The following PSKH1 variants were observed in gnomAD, a reference collection of about 807,000 sequenced individuals.
PSKH1 encodes the protein protein serine kinase H1.
PSKH1 carries 12 observed loss-of-function variants against 26.7 expected under a neutral mutation model. That is an observed-to-expected ratio of 0.45 (90% confidence interval 0.29 to 0.73). The LOEUF (loss-of-function observed/expected upper bound fraction) is 0.73, where lower values mean the gene tolerates loss of function less well. Ranked by LOEUF, PSKH1 falls within the 30% of genes least tolerant of loss-of-function variation. The pLI is 0.11. For synonymous variants in PSKH1, 213 were observed against 234.3 expected (o/e 0.91, Z 0.83); for missense variants, 431 against 595.2 (o/e 0.72, Z 2.87).
intron 1 of PSKH1, among the ~76,000 whole-genome samples, chr16:67,898,538 A>G (rs951802213): frequency 1.8e-4 from 27 of 152,016 alleles, no homozygotes; most frequent in South Asian, 1.0e-3. Context: ...GTTGTGTGCC[A>G]CTGCGTCCAG....
Position 67,908,801 on chromosome 16 carries a change from C to A in PSKH1, c.52C>A (p.Leu18Met). Residue 18 changes from leucine to methionine, a missense_variant, in exon 2 of 3, where the codon CTG becomes ATG. By Grantham distance (15) the Leu-to-Met change is conservative. Coordinates refer to ENST00000291041, the MANE Select transcript of PSKH1 (RefSeq NM_006742.3). ...TCCCGAGCCACCCAAGGATGTCCAGCTGGATCTGGTCAAGAAGGTGGAGCC... is the reference window on the plus strand; with the variant it reads ...TCCCGAGCCACCCAAGGATGTCCAGATGGATCTGGTCAAGAAGGTGGAGCC... ...VLPEPPKDVQLDLVKKVEPFS... is the reference protein window; with the variant it reads ...VLPEPPKDVQMDLVKKVEPFS... The A allele has an allele frequency of 6.2e-7, 1 of 1,611,250 alleles. No individual in the cohort carries two copies. Among genetic ancestry groups the A allele is most frequent in the Non-Finnish European group, 8.5e-7 (1 of 1,178,248 alleles).
chr16:67,902,799 G>A (rs914535820), intron 1 of PSKH1, among the ~76,000 whole-genome samples: 2 of 149,486 alleles, frequency 1.3e-5, no homozygotes, highest in African/African-American at 2.6e-5. Context: ...TCTTGCCTCC[G>A]AATGGTGGTA....
intron 2 of PSKH1, chr16:67,910,151 T>A (rs1567399621): frequency 3.8e-6 from 1 of 265,862 alleles, no homozygotes; most frequent in Non-Finnish European, 7.2e-6. Context: ...GGTTGAGAAT[T>A]TCTTTGAGGA....
Position 67,928,428 on chromosome 16 carries a change from C to T in PSKH1, c.*786C>T, listed in dbSNP as rs978226487. The T allele has an allele frequency of 4.6e-5, 7 of 152,698 alleles. No individual in the cohort carries two copies. Among genetic ancestry groups the T allele is most frequent in the African/African-American group, 1.2e-4 (5 of 41,450 alleles). 9.5% of individuals were successfully genotyped at this position (152,698 alleles called of 1,614,324 possible). On this transcript the variant is annotated 3_prime_UTR_variant, in exon 3 of 3. Coordinates refer to ENST00000291041, the MANE Select transcript of PSKH1 (RefSeq NM_006742.3). The surrounding 1 kb of genome is among the most constrained non-coding windows in gnomAD (Gnocchi z 4.8). Reference sequence around the variant, plus strand: ...GAGCCCACCGCTACCTCCCTCTCCCCGTTGGATGTCCATTCCATTCCCCAG... The same window carrying T: ...GAGCCCACCGCTACCTCCCTCTCCCTGTTGGATGTCCATTCCATTCCCCAG...
intron 2 of PSKH1, among the ~76,000 whole-genome samples, chr16:67,913,154 C>T (rs2058177851): frequency 6.6e-6 from 1 of 152,030 alleles, no homozygotes; most frequent in Admixed American, 6.5e-5. Flanking sequence ...CACTGCACTC[C>T]AGCCTGTGTG....
rs1208719925 is a variant in PSKH1, at chr16:67,909,973, G to A, written c.957+267G>A. 1.8e-6 allele frequency: 1 copy of A among 560,464 alleles called. No individual in the cohort carries two copies. The highest frequency in any genetic ancestry group is 1.9e-5 in the African/African-American group (1 of 53,502). 34.7% of individuals were successfully genotyped at this position (560,464 alleles called of 1,614,324 possible). A position where few individuals can be genotyped will look rare whatever the true frequency, so the allele number is the denominator to read the frequency against. On this transcript the variant is annotated intron_variant, in intron 2 of 2. Transcript: ENST00000291041. The surrounding 1 kb of genome is among the most constrained non-coding windows in gnomAD (Gnocchi z 7.8). ...GGAGTGGGAAAAGTGAGGCAGGAAGGGAGAAAGTCAGTAGAGTATATTGAG... is the reference window on the plus strand; with the variant it reads ...GGAGTGGGAAAAGTGAGGCAGGAAGAGAGAAAGTCAGTAGAGTATATTGAG...
At chr16:67,899,369 T>C (rs1202871496) in intron 1 of PSKH1, among the ~76,000 whole-genome samples, 1 of 138,574 alleles carries the variant, frequency 7.2e-6, no homozygotes, top group Non-Finnish European at 1.5e-5. Context: ...CGAGTCTCGC[T>C]CTATGGCCCA....
chr16:67,893,904 C>T (rs1189163416), intron 1 of PSKH1, among the ~76,000 whole-genome samples: 3 of 152,144 alleles, frequency 2.0e-5, no homozygotes, highest in Non-Finnish European at 2.9e-5. Context: ...CACACTTAGT[C>T]CCCCTCCATA....
chr16:67,909,982 C>T lies in PSKH1; in HGVS notation c.957+276C>T, dbSNP rs183798502. The T allele has an allele frequency of 1.7e-4, 92 of 554,464 alleles. No homozygotes were observed. Among genetic ancestry groups the T allele is most frequent in the Admixed American group, 4.1e-4 (13 of 31,928 alleles). The allele number at this position is 554,464 out of a possible 1,614,324, so 34.3% of individuals were successfully genotyped here. On this transcript the variant is annotated intron_variant, in intron 2 of 2. Transcript: ENST00000291041. The surrounding 1 kb of genome is among the most constrained non-coding windows in gnomAD (Gnocchi z 7.8). ...AAAGTGAGGCAGGAAGGGAGAAAGT[C>T]AGTAGAGTATATTGAGAAATGGACT...
At chr16:67,924,933 G>A (rs2058211971) in intron 2 of PSKH1, among the ~76,000 whole-genome samples, 1 of 152,114 alleles carries the variant, frequency 6.6e-6, no homozygotes, top group African/African-American at 2.4e-5. Context: ...GTGTTCAGGA[G>A]GCAACCATGG....
At chr16:67,900,769 G>GT (rs1452055868) in intron 1 of PSKH1, among the ~76,000 whole-genome samples, 1 of 152,130 alleles carries the variant, frequency 6.6e-6, no homozygotes, top group African/African-American at 2.4e-5. Flanking sequence ...CAGGCTGGGA[G>GT]TTTAAGTTTT....
intron 1 of PSKH1, among the ~76,000 whole-genome samples, chr16:67,908,276 G>C (rs1161655352): frequency 1.3e-5 from 2 of 151,932 alleles, no homozygotes; most frequent in African/African-American, 4.8e-5. Context: ...TCAGTTTTTT[G>C]TTTGTTTGTT....
At chr16:67,911,862 C>T (rs1453413665) in intron 2 of PSKH1, among the ~76,000 whole-genome samples, 1 of 152,222 alleles carries the variant, frequency 6.6e-6, no homozygotes, top group African/African-American at 2.4e-5. Context: ...TGTCATGCCT[C>T]TCAAAGGTGG....
chr16:67,924,834 A>C (rs2058211848), intron 2 of PSKH1, among the ~76,000 whole-genome samples: 1 of 152,088 alleles, frequency 6.6e-6, no homozygotes, highest in African/African-American at 2.4e-5. Flanking sequence ...TGCTGTCTCC[A>C]TCAAGCTTCT....
Position 67,912,584 on chromosome 16 carries a change from C to G in PSKH1, c.957+2878C>G, listed in dbSNP as rs536969053. Among the ~76,000 whole-genome samples, 4 of 152,246 alleles carry G rather than the reference C, an allele frequency of 2.6e-5. No homozygotes were observed. In the East Asian group the frequency reaches 7.7e-4, roughly 29 times the overall value. On this transcript the variant is annotated intron_variant, in intron 2 of 2. Transcript: ENST00000291041. ...ATAAACTGGCAATAAGAAATCCTCTCCCAGCCGGGTACGGTGGCTCACGCC... is the reference window on the plus strand; with the variant it reads ...ATAAACTGGCAATAAGAAATCCTCTGCCAGCCGGGTACGGTGGCTCACGCC...
chr16:67,902,241 T>A (rs1028433797), intron 1 of PSKH1, among the ~76,000 whole-genome samples: 1 of 150,004 alleles, frequency 6.7e-6, no homozygotes, highest in African/African-American at 2.5e-5. Context: ...ACTTAGGTGA[T>A]AAAGCGAGAC....
In PSKH1 at chr16:67,927,799, GTC is replaced by G; in HGVS notation, c.*158_*159del. 1 of 902,938 alleles carries G rather than the reference GTC, an allele frequency of 1.1e-6. No homozygotes were observed. Among genetic ancestry groups the G allele is most frequent in the Non-Finnish European group, 1.6e-6 (1 of 611,016 alleles). The allele number at this position is 902,938 out of a possible 1,614,324, so 55.9% of individuals were successfully genotyped here. ...TTTCTCTGTGCCTTCAGCAGCCCCT[GTC>G]CTCACCATGGGCCTGGGCCAGGTGT... On this transcript the variant is annotated 3_prime_UTR_variant, in exon 3 of 3. Coordinates refer to ENST00000291041, the MANE Select transcript of PSKH1 (RefSeq NM_006742.3). This position sits in a 1 kb window ranked among gnomAD's most constrained non-coding sequence, Gnocchi z 5.5.
chr16:67,906,011 G>A (rs138271784), intron 1 of PSKH1, among the ~76,000 whole-genome samples: 24 of 151,964 alleles, frequency 1.6e-4, no homozygotes, highest in African/African-American at 5.3e-4. Flanking sequence ...GTATCTACTA[G>A]ATATTTAATA....
At chr16:67,900,676 A>AG (rs1323516966) in intron 1 of PSKH1, among the ~76,000 whole-genome samples, 19 of 152,166 alleles carry the variant, frequency 1.2e-4, no homozygotes, top group South Asian at 2.1e-4. Context: ...GTAGATTGTC[A>AG]GTGAGGACGA....
Sources: allele counts gnomAD v4.1 joint callset (sites outside exome capture counted in the v4.1 genomes callset), GRCh38; gene constraint gnomAD v4.1.1; non-coding constraint Gnocchi (gnomAD v3.1); transcripts MANE v1.5; gene names NCBI Gene and HGNC (gene_info 2026-07-23, HGNC 2026-07-21).